The following GLUD1 variants were observed in gnomAD, a reference collection of about 807,000 sequenced individuals.
The protein encoded by GLUD1 is glutamate dehydrogenase 1.
Under a neutral mutation model 56.0 loss-of-function variants are expected in GLUD1, and 22 were observed. The observed-to-expected ratio is 0.39, with a 90% confidence interval of 0.28 to 0.56. The LOEUF is 0.56. Ranked by LOEUF, GLUD1 falls within the 20% of genes least tolerant of loss-of-function variation. The pLI is 0.58. For synonymous variants in GLUD1, 223 were observed against 269.9 expected (o/e 0.83, Z 1.70); for missense variants, 451 against 732.0 (o/e 0.62, Z 4.43).
intron 1 of GLUD1, among the ~76,000 whole-genome samples, chr10:87,091,301 T>C (rs1175942518): frequency 6.6e-6 from 1 of 152,168 alleles, no homozygotes; most frequent in Non-Finnish European, 1.5e-5. Flanking sequence ...TAAATTGCTA[T>C]TATCAATCTG....
intron 11 of GLUD1, among the ~76,000 whole-genome samples, chr10:87,055,100 C>T (rs770016891): frequency 3.3e-5 from 5 of 152,192 alleles, no homozygotes; most frequent in Admixed American, 6.5e-5. Flanking sequence ...TGCTGGGCAG[C>T]TCTGAGCGCC....
chr10:87,090,470 A>G (rs1232579795), intron 1 of GLUD1, among the ~76,000 whole-genome samples: 1 of 152,212 alleles, frequency 6.6e-6, no homozygotes, highest in Non-Finnish European at 1.5e-5. Flanking sequence ...GGATTCATAC[A>G]CGCAAGTGAC....
rs1489447498 is a variant in GLUD1, at chr10:87,094,319, G to A, written c.445+6C>T. On this transcript the variant is annotated splice_donor_region_variant and intron_variant, in intron 1 of 12. Coordinates refer to ENST00000277865, the MANE Select transcript of GLUD1 (RefSeq NM_005271.5). This position sits in a 1 kb window ranked among gnomAD's most constrained non-coding sequence, Gnocchi z 6.6. ...GAGGGCGGGACGGGGCCCGGCCGAC[G>A]CTCACCTCCCTTGCAGGGCGTGCGG... 2.5e-6 allele frequency: 4 copies of A among 1,604,742 alleles called. No individual in the cohort carries two copies. The highest frequency in any genetic ancestry group is 2.5e-6 in the Non-Finnish European group (3 of 1,176,608).
chr10:87,079,519 T>C (rs1382172403), intron 1 of GLUD1, among the ~76,000 whole-genome samples: 2 of 151,998 alleles, frequency 1.3e-5, no homozygotes, highest in Non-Finnish European at 2.9e-5. Flanking sequence ...TTCTAAGTAA[T>C]ACCACATATT....
chr10:87,065,513 T>C (rs2133806469), intron 5 of GLUD1, among the ~76,000 whole-genome samples: 1 of 152,252 alleles, frequency 6.6e-6, no homozygotes, highest in South Asian at 2.1e-4. Flanking sequence ...GAAAGTCCTG[T>C]GAAGCACGGC....
At chr10:87,066,608 G>A (rs988704617) in intron 5 of GLUD1, among the ~76,000 whole-genome samples, 3 of 152,036 alleles carry the variant, frequency 2.0e-5, no homozygotes, top group Non-Finnish European at 2.9e-5. Flanking sequence ...CCACACACCC[G>A]TCTAAGTGCA....
rs182327784 is a variant in GLUD1, at chr10:87,059,441, C to T, written c.1279-168G>A. Among the ~76,000 whole-genome samples, 590 of 151,798 alleles carry T rather than the reference C, an allele frequency of 3.9e-3. 6 individuals carry two copies. The highest frequency in any genetic ancestry group is 3.6e-3 in the Non-Finnish European group (247 of 67,994). On this transcript the variant is annotated intron_variant, in intron 9 of 12. Transcript: ENST00000277865. The stretch of plus-strand genomic sequence containing the variant: ...ACACTTAATTAACACTCCTTCCCAT[C>T]CCACCCAATTCCATCTAAGGCTTTT...
At chr10:87,084,615 C>A (rs908203236) in intron 1 of GLUD1, among the ~76,000 whole-genome samples, 25 of 152,126 alleles carry the variant, frequency 1.6e-4, no homozygotes, top group Non-Finnish European at 2.4e-4. Context: ...ATTAACAAAA[C>A]ATTTATGAAA....
At chr10:87,055,578 A>G (rs921035384) in intron 11 of GLUD1, among the ~76,000 whole-genome samples, 4 of 152,180 alleles carry the variant, frequency 2.6e-5, no homozygotes, top group African/African-American at 7.2e-5. Context: ...AGTGGCACAC[A>G]GGAGACTTTC....
intron 1 of GLUD1, among the ~76,000 whole-genome samples, chr10:87,081,710 A>C (rs1274403428): frequency 6.6e-6 from 1 of 152,118 alleles, no homozygotes; most frequent in East Asian, 1.9e-4. Flanking sequence ...GATTAAGGGC[A>C]GTGCAAGATG....
intron 4 of GLUD1, among the ~76,000 whole-genome samples, chr10:87,074,287 T>C (rs1846321842): frequency 6.6e-6 from 1 of 152,072 alleles, no homozygotes; most frequent in African/African-American, 2.4e-5. Flanking sequence ...GATCACCTGA[T>C]GTCAGGAGTT....
At chr10:87,091,608 C>T (rs1841511227) in intron 1 of GLUD1, 1 of 968,882 alleles carries the variant, frequency 1.0e-6, no homozygotes, top group South Asian at 4.8e-5. Context: ...CTAACGGCCT[C>T]AGGTACATGT....
intron 1 of GLUD1, among the ~76,000 whole-genome samples, chr10:87,077,699 A>G (rs1350669168): frequency 3.3e-5 from 5 of 151,882 alleles, no homozygotes; most frequent in Non-Finnish European, 5.9e-5. Context: ...TTCTTTCTCT[A>G]TAATCCATTG....
intron 1 of GLUD1, among the ~76,000 whole-genome samples, chr10:87,090,205 A>G (rs1841478506): frequency 6.6e-6 from 1 of 152,200 alleles, no homozygotes; most frequent in South Asian, 2.1e-4. Flanking sequence ...GTAAATAAAA[A>G]CCGATTTTCC....
intron 11 of GLUD1, among the ~76,000 whole-genome samples, chr10:87,055,562 C>T (rs532598869): frequency 2.6e-5 from 4 of 152,148 alleles, no homozygotes; most frequent in African/African-American, 7.2e-5. Context: ...ATGTTATGTA[C>T]GAAACAGTGG....
intron 12 of GLUD1, among the ~76,000 whole-genome samples, chr10:87,052,455 T>C (rs1230684371): frequency 6.6e-6 from 1 of 151,932 alleles, no homozygotes; most frequent in Non-Finnish European, 1.5e-5. Flanking sequence ...ACCATTGCAC[T>C]CCAGCTGGGT....
chr10:87,052,066 G>T (rs1845645128), intron 12 of GLUD1, among the ~76,000 whole-genome samples, 196 bp from the exon 13 acceptor site: 1 of 152,210 alleles, frequency 6.6e-6, no homozygotes, highest in African/African-American at 2.4e-5. Context: ...TAACAATGGG[G>T]TGGCTGGGTG....
intron 4 of GLUD1, among the ~76,000 whole-genome samples, chr10:87,068,718 G>A (rs1589366383): frequency 1.3e-5 from 2 of 151,986 alleles, no homozygotes; most frequent in South Asian, 2.1e-4. Context: ...CCTATTATTC[G>A]ACATTCAGCA....
intron 1 of GLUD1, among the ~76,000 whole-genome samples, chr10:87,086,623 A>G (rs1841388476): frequency 6.6e-6 from 1 of 151,252 alleles, no homozygotes; most frequent in South Asian, 2.1e-4. Context: ...GGAGATCAAG[A>G]CCATCCTGGC....
Sources: allele counts gnomAD v4.1 joint callset (sites outside exome capture counted in the v4.1 genomes callset), GRCh38; gene constraint gnomAD v4.1.1; non-coding constraint Gnocchi (gnomAD v3.1); transcripts MANE v1.5; gene names NCBI Gene and HGNC (gene_info 2026-07-23, HGNC 2026-07-21).